FOXP1: variants seen among roughly 807,000 people sequenced by gnomAD.
FOXP1 encodes the protein forkhead box protein P1.
Under a neutral mutation model 98.2 loss-of-function variants are expected in FOXP1, and 15 were observed. The ratio of observed to expected loss-of-function variants is 0.15; its 90% CI spans 0.10 to 0.24. The LOEUF (loss-of-function observed/expected upper bound fraction) is 0.24, where lower values mean the gene tolerates loss of function less well. FOXP1 is among the 10% of genes least tolerant of loss of function. The pLI is 1.00. For missense variants in FOXP1, 633 were observed against 848.5 expected (o/e 0.75, Z 3.15); for synonymous variants, 371 against 314.5 (o/e 1.18, Z -1.90).
intron 6 of FOXP1, chr3:71,197,952 C>A: frequency 1.9e-6 from 3 of 1,614,226 alleles, no homozygotes; most frequent in Non-Finnish European, 2.5e-6. Context: ...TCATCTTCGT[C>A]TCAGCAACTG....
chr3:71,530,147 G>C lies in FOXP1; in HGVS notation c.-297-36592C>G, dbSNP rs56162603. On this transcript the variant is annotated intron_variant, in intron 2 of 20. Transcript: ENST00000649528. ...CTATGGTTTGAATGCATCTCCCTAA[G>C]TTTATGCGTAGAATCTTAATCCCCA... 3.4e-3 allele frequency among the ~76,000 whole-genome samples: 524 copies of C among 152,286 alleles called. 2 individuals are homozygous for C. Among genetic ancestry groups the C allele is most frequent in the Non-Finnish European group, 5.8e-3 (392 of 68,018 alleles).
chr3:71,037,363 T>C (rs139771379), intron 11 of FOXP1, among the ~76,000 whole-genome samples: 90 of 152,326 alleles, frequency 5.9e-4, no homozygotes, highest in African/African-American at 2.1e-3. Flanking sequence ...AATAGATGTT[T>C]CATTTGCATT....
At chr3:71,534,016 C>T (rs1212834099) in intron 2 of FOXP1, among the ~76,000 whole-genome samples, 1 of 152,112 alleles carries the variant, frequency 6.6e-6, no homozygotes, top group African/African-American at 2.4e-5. Flanking sequence ...GGTTCAGAAC[C>T]CGTAAGTAGA....
intron 6 of FOXP1, among the ~76,000 whole-genome samples, chr3:71,171,579 T>G (rs557928631): frequency 2.1e-4 from 32 of 152,326 alleles, no homozygotes; most frequent in African/African-American, 7.5e-4. Flanking sequence ...AGTGTGCATG[T>G]AGATTATAAA....
chr3:71,457,498 T>A (rs2087618326), intron 3 of FOXP1, among the ~76,000 whole-genome samples: 1 of 152,180 alleles, frequency 6.6e-6, no homozygotes, highest in Non-Finnish European at 1.5e-5. Context: ...CACCTCTCCA[T>A]CTCTACCCCC....
At chr3:71,421,733 G>C (rs1042549972) in intron 3 of FOXP1, among the ~76,000 whole-genome samples, 2 of 152,154 alleles carry the variant, frequency 1.3e-5, no homozygotes, top group African/African-American at 2.4e-5. Context: ...TTTCATCCAA[G>C]TGGGATGATG....
chr3:71,229,720 A>G (rs996294975), intron 5 of FOXP1, among the ~76,000 whole-genome samples: 5 of 152,006 alleles, frequency 3.3e-5, no homozygotes, highest in Admixed American at 3.3e-4. Flanking sequence ...TCAAGAATGG[A>G]GCTTTGAAAT....
chr3:71,396,830 T>G (rs947506306), intron 3 of FOXP1, among the ~76,000 whole-genome samples: 1 of 148,072 alleles, frequency 6.8e-6, no homozygotes, highest in African/African-American at 2.5e-5. Flanking sequence ...AGTGTTTTAT[T>G]TCTCCGAAAC....
At chr3:71,414,658 A>AC (rs2083068196) in intron 3 of FOXP1, among the ~76,000 whole-genome samples, 1 of 152,140 alleles carries the variant, frequency 6.6e-6, no homozygotes, top group African/African-American at 2.4e-5. Context: ...GCAGAGGGGG[A>AC]GTAAGGGGAG....
chr3:71,385,266 T>C (rs1027907234), intron 3 of FOXP1, among the ~76,000 whole-genome samples: 4 of 152,214 alleles, frequency 2.6e-5, no homozygotes, highest in Admixed American at 6.5e-5. Flanking sequence ...TATTTCACAA[T>C]AGAATGGTAA....
chr3:71,313,358 C>G (rs929618314), intron 4 of FOXP1, among the ~76,000 whole-genome samples: 1 of 151,814 alleles, frequency 6.6e-6, no homozygotes, highest in African/African-American at 2.4e-5. Context: ...TGCGCCCGGC[C>G]AAGCTAATTA....
intron 7 of FOXP1, among the ~76,000 whole-genome samples, chr3:71,107,115 C>T (rs562356072): frequency 6.6e-6 from 1 of 152,258 alleles, no homozygotes; most frequent in Admixed American, 6.5e-5. Flanking sequence ...CAATCAATAG[C>T]CATGGAGTGG....
At chr3:71,288,154 A>C (rs2107476450) in intron 5 of FOXP1, among the ~76,000 whole-genome samples, 1 of 152,336 alleles carries the variant, frequency 6.6e-6, no homozygotes, top group Middle Eastern at 3.4e-3. Flanking sequence ...TGCTGGGATT[A>C]CAGGTGTGAG....
intron 2 of FOXP1, among the ~76,000 whole-genome samples, chr3:71,554,189 A>T (rs2045962800): frequency 6.6e-6 from 1 of 152,132 alleles, no homozygotes; most frequent in Non-Finnish European, 1.5e-5. Context: ...CTCCACAAAA[A>T]GTTTTAAAAA....
At chr3:71,553,577 CT>C (rs1055454120) in intron 2 of FOXP1, among the ~76,000 whole-genome samples, 1 of 151,948 alleles carries the variant, frequency 6.6e-6, no homozygotes, top group Admixed American at 6.6e-5. Flanking sequence ...TGTTTGCAAT[CT>C]TTTTTTTACC....
At chr3:71,177,950 C>A (rs1233719353) in intron 6 of FOXP1, among the ~76,000 whole-genome samples, 1 of 148,338 alleles carries the variant, frequency 6.7e-6, no homozygotes, top group African/African-American at 2.5e-5. Flanking sequence ...CACCTTTCAT[C>A]TCAGCCTTCC....
chr3:71,569,735 C>T (rs1211101439), intron 2 of FOXP1, among the ~76,000 whole-genome samples: 1 of 151,826 alleles, frequency 6.6e-6, no homozygotes, highest in Non-Finnish European at 1.5e-5. Flanking sequence ...TTATGGATAT[C>T]ATTACGATCC....
At chr3:71,158,097 A>AAGGAAGGAAGGAAGGAAGGAAGGAAGGT (rs1560038070) in intron 6 of FOXP1, among the ~76,000 whole-genome samples, 1 of 21,128 alleles carries the variant, frequency 4.7e-5, no homozygotes, top group Non-Finnish European at 1.4e-4. Context: ...GGAAGGAAGG[A>AAGGAAGGAAGGAAGGAAGGAAGGAAGGT]AGGAAGGAAG....
At chr3:71,494,556 C>G (rs1405713341) in intron 2 of FOXP1, among the ~76,000 whole-genome samples, 1 of 152,124 alleles carries the variant, frequency 6.6e-6, no homozygotes, top group Non-Finnish European at 1.5e-5. Context: ...CCCCTGGGTG[C>G]CCAGGAAAGG....
Sources: gnomAD v4.1 joint callset for allele counts (sites outside exome capture counted in the v4.1 genomes callset) on GRCh38, gnomAD v4.1.1 for gene constraint, MANE v1.5 for transcripts, NCBI Gene and HGNC (gene_info 2026-07-23, HGNC 2026-07-21) for gene names.